Variants in DPP4 observed in about 807,000 individuals in gnomAD.
DPP4 encodes the protein ADCP-2.
In DPP4, 93 loss-of-function variants were observed where a neutral mutation model predicts 122.4. The observed-to-expected ratio is 0.76, with a 90% CI of 0.64 to 0.90. DPP4 has a LOEUF of 0.90. DPP4 is among the 40% of genes least tolerant of loss of function. DPP4 has a pLI of 0.00. For missense variants in DPP4, 914 were observed against 907.3 expected (o/e 1.01, Z -0.09); for synonymous variants, 321 against 302.9 (o/e 1.06, Z -0.62).
At chr2:162,041,647 T>C (rs1413807024) in intron 5 of DPP4, among the ~76,000 whole-genome samples, 1 of 152,160 alleles carries the variant, frequency 6.6e-6, no homozygotes, top group Non-Finnish European at 1.5e-5. Flanking sequence ...AAGCAAAATA[T>C]TCACTAAAGC....
At chr2:162,044,991 C>A (rs1264544760) in intron 5 of DPP4, among the ~76,000 whole-genome samples, 1 of 148,808 alleles carries the variant, frequency 6.7e-6, no homozygotes, top group East Asian at 2.0e-4. Context: ...CGGGGTCTCA[C>A]TCTGTCCTCT....
At position 161,995,295 on chromosome 2, in the gene DPP4, C is replaced by A. The variant is rs1267776137; in HGVS notation, c.2125+5G>T. The A allele has an allele frequency of 6.2e-7, 1 of 1,613,358 alleles. No homozygotes were observed. Among genetic ancestry groups the A allele is most frequent in the East Asian group, 2.2e-5 (1 of 44,876 alleles). On this transcript the variant is annotated splice_donor_5th_base_variant and intron_variant, in intron 24 of 25. Coordinates refer to ENST00000360534, the MANE Select transcript of DPP4 (RefSeq NM_001935.4). ...TACTAAAAAGTCTAATTAACTGAAA[C>A]TCACCATCTGCTGTTCCATGAATAA...
rs142721147 is a variant in DPP4, at chr2:162,029,590, T to C, written c.887+3951A>G. On this transcript the variant is annotated intron_variant, in intron 10 of 25. Transcript: ENST00000360534. ...TAGCTTCCAGTTTATTTATATCCTG[T>C]GTGACAATCTGAGGCTTTGATGTTG... Among the ~76,000 whole-genome samples the C allele has an allele frequency of 1.7e-3, 263 of 152,350 alleles. 1 individual carries two copies. The highest frequency in any genetic ancestry group is 6.1e-3 in the African/African-American group (252 of 41,580).
intron 4 of DPP4, 88 bp from the exon 5 acceptor site, chr2:162,045,700 G>C (rs1281464006): frequency 4.3e-6 from 4 of 936,454 alleles, no homozygotes; most frequent in South Asian, 1.4e-5. Flanking sequence ...TACTGTTCTA[G>C]ACATGTGGCT....
chr2:162,017,011 C>T (rs1305941522), intron 17 of DPP4, 97 bp downstream of exon 17: 3 of 1,461,954 alleles, frequency 2.1e-6, no homozygotes, highest in Non-Finnish European at 2.8e-6. Flanking sequence ...ATTGTCAAGA[C>T]ACAAAGCCAA....
chr2:162,001,060 C>T (rs1450891800), intron 23 of DPP4, among the ~76,000 whole-genome samples: 1 of 152,178 alleles, frequency 6.6e-6, no homozygotes, highest in African/African-American at 2.4e-5. Context: ...GAGCATCATG[C>T]TCGTCCTCCC....
At chr2:162,056,141 C>T (rs1263680277) in intron 2 of DPP4, among the ~76,000 whole-genome samples, 1 of 152,232 alleles carries the variant, frequency 6.6e-6, no homozygotes, top group African/African-American at 2.4e-5. Context: ...TTCTCTACTA[C>T]TCTTTCCAGC....
intron 4 of DPP4, 28 bp downstream of exon 4, chr2:162,046,887 C>A: frequency 4.3e-6 from 6 of 1,392,584 alleles, no homozygotes; most frequent in Non-Finnish European, 6.1e-6. Context: ...GAATTCTATG[C>A]ATGAATTAAT....
intron 24 of DPP4, 57 bp from the exon 25 acceptor site, chr2:161,995,091 C>T (rs1479854725): frequency 1.9e-6 from 3 of 1,583,296 alleles, no homozygotes; most frequent in Admixed American, 3.3e-5. Context: ...TTTTCTGGTA[C>T]CAAGGGGTGG....
At chr2:162,001,800 G>C (rs776062339) in intron 23 of DPP4, among the ~76,000 whole-genome samples, 1 of 152,190 alleles carries the variant, frequency 6.6e-6, no homozygotes, top group Non-Finnish European at 1.5e-5. Flanking sequence ...TGCTGGGACT[G>C]AGACATATTG....
At chr2:162,013,198 T>C (rs1044322603) in intron 19 of DPP4, among the ~76,000 whole-genome samples, 2 of 151,452 alleles carry the variant, frequency 1.3e-5, no homozygotes, top group Non-Finnish European at 2.9e-5. Context: ...AACAGAAATA[T>C]GTATTAAATT....
chr2:161,995,092 C>A, intron 24 of DPP4, 58 bp from the exon 25 acceptor site: 1 of 1,578,358 alleles, frequency 6.3e-7, no homozygotes, highest in African/African-American at 1.3e-5. Context: ...TTTCTGGTAC[C>A]AAGGGGTGGG....
chr2:162,018,652 T>G (rs1683004562), intron 16 of DPP4, 77 bp downstream of exon 16: 11 of 1,531,242 alleles, frequency 7.2e-6, no homozygotes, highest in Non-Finnish European at 9.6e-6. Context: ...CTCCTCAGAT[T>G]CAAAAGGAAT....
At chr2:161,997,764 T>G (rs568245480) in intron 23 of DPP4, among the ~76,000 whole-genome samples, 1 of 152,270 alleles carries the variant, frequency 6.6e-6, no homozygotes, top group African/African-American at 2.4e-5. Context: ...CCTTGCAATA[T>G]TTGCGTAAAA....
At chr2:162,048,833 A>G (rs997704837) in intron 2 of DPP4, among the ~76,000 whole-genome samples, 1 of 152,208 alleles carries the variant, frequency 6.6e-6, no homozygotes, top group Non-Finnish European at 1.5e-5. Flanking sequence ...TAGGCCATGT[A>G]GTCTTTGAAG....
At chr2:162,024,768 T>A in intron 11 of DPP4, 36 bp downstream of exon 11, 1 of 1,606,818 alleles carries the variant, frequency 6.2e-7, no homozygotes, top group African/African-American at 1.3e-5. Context: ...TGATCACATG[T>A]TGCTCTAGAA....
Position 162,074,048 on chromosome 2 carries a change from G to A in DPP4, c.-67C>T, listed in dbSNP as rs568203154. On this transcript the variant is annotated 5_prime_UTR_variant, in exon 1 of 26. Transcript: ENST00000360534. Reference sequence around the variant, plus strand: ...CAGGCAGAAGTCACCGCGGGCGGCGGAGACGCGCGTCCTGCACCGCTGCTC... The same window carrying A: ...CAGGCAGAAGTCACCGCGGGCGGCGAAGACGCGCGTCCTGCACCGCTGCTC... The A allele has an allele frequency of 6.3e-7, 1 of 1,584,186 alleles. No individual in the cohort carries two copies. The highest frequency in any genetic ancestry group is 2.3e-5 in the East Asian group (1 of 43,794).
intron 23 of DPP4, among the ~76,000 whole-genome samples, chr2:162,005,027 G>T (rs1010355982): frequency 6.6e-6 from 1 of 152,128 alleles, no homozygotes. Flanking sequence ...GTGCCAGAAG[G>T]GTCCCTAGTA....
At chr2:162,040,683 T>C (rs1298850981) in intron 5 of DPP4, among the ~76,000 whole-genome samples, 4 of 151,940 alleles carry the variant, frequency 2.6e-5, no homozygotes, top group Non-Finnish European at 4.4e-5. Flanking sequence ...GAATCCACCA[T>C]AATGGTAGAT....
Sources: allele counts gnomAD v4.1 joint callset (sites outside exome capture counted in the v4.1 genomes callset), GRCh38; gene constraint gnomAD v4.1.1; transcripts MANE v1.5; gene names NCBI Gene and HGNC (gene_info 2026-07-23, HGNC 2026-07-21).